The following MCC variants were observed in gnomAD, a reference collection of about 807,000 sequenced individuals.
MCC encodes the protein colorectal mutant cancer protein.
A neutral mutation model predicts 116.2 loss-of-function variants in MCC; 90 were observed. That is an observed-to-expected ratio of 0.77 (90% CI 0.65 to 0.92). The LOEUF is 0.92. Among genes scored for constraint, MCC ranks in the 40% least tolerant of loss-of-function variants. The probability of loss-of-function intolerance (pLI) is 0.00; values close to 1 mark genes in which losing one functional copy is unlikely to be tolerated. For missense variants in MCC, 1,516 were observed against 1,312.2 expected, an observed-to-expected ratio of 1.16 and a Z score of -2.40; for synonymous variants, 578 against 510.5, an observed-to-expected ratio of 1.13 and a Z score of -1.78.
intron 1 of MCC, among the ~76,000 whole-genome samples, chr5:113,411,854 T>G (rs529284002): frequency 1.3e-5 from 2 of 152,354 alleles, no homozygotes; most frequent in African/African-American, 4.8e-5. Flanking sequence ...CCTATGCCTA[T>G]GTCCTGAATG....
chr5:113,190,706 A>G (rs62372743), intron 3 of MCC, among the ~76,000 whole-genome samples: 2,715 of 152,316 alleles, frequency 0.018, 39 homozygotes, highest in Non-Finnish European at 0.031. Flanking sequence ...TCAGAATCTG[A>G]GCATGTCGAG....
At chr5:113,305,175 A>G (rs568784648) in intron 3 of MCC, among the ~76,000 whole-genome samples, 5 of 152,258 alleles carry the variant, frequency 3.3e-5, no homozygotes, top group East Asian at 1.9e-4. Flanking sequence ...ATGGACTGCT[A>G]TGGTAGGGAT....
At chr5:113,329,507 G>A (rs1767647908) in intron 3 of MCC, among the ~76,000 whole-genome samples, 1 of 150,752 alleles carries the variant, frequency 6.6e-6, no homozygotes, top group South Asian at 2.1e-4. Flanking sequence ...CACAACTGCT[G>A]TAGATCTCAC....
At chr5:113,120,917 A>C (rs1757698915) in intron 6 of MCC, among the ~76,000 whole-genome samples, 1 of 152,208 alleles carries the variant, frequency 6.6e-6, no homozygotes, top group Non-Finnish European at 1.5e-5. Context: ...CCCATGGGCA[A>C]ACAAAACACG....
chr5:113,254,993 C>T (rs985289506), intron 3 of MCC, among the ~76,000 whole-genome samples: 7 of 152,064 alleles, frequency 4.6e-5, no homozygotes, highest in South Asian at 2.1e-4. Context: ...GGTGAAACCC[C>T]GTCTCTACTA....
intron 2 of MCC, among the ~76,000 whole-genome samples, chr5:113,383,804 G>GT (rs1238140076): frequency 6.6e-6 from 1 of 152,104 alleles, no homozygotes; most frequent in Admixed American, 6.5e-5. Context: ...CGCATGGAGT[G>GT]TATGTGGACA....
At chr5:113,109,139 G>C (rs1414825496) in intron 6 of MCC, among the ~76,000 whole-genome samples, 1 of 152,174 alleles carries the variant, frequency 6.6e-6, no homozygotes, top group Admixed American at 6.5e-5. Flanking sequence ...AAGTATAGGA[G>C]TAGAGTTGCT....
intron 3 of MCC, among the ~76,000 whole-genome samples, chr5:113,301,474 G>GA (rs557478664): frequency 0.052 from 6,966 of 133,084 alleles, 538 homozygotes; most frequent in Admixed American, 0.25. Context: ...TCAAACAAAA[G>GA]AAAAAAAAAA....
chr5:113,343,644 T>C (rs1768064078), intron 2 of MCC, among the ~76,000 whole-genome samples: 1 of 152,212 alleles, frequency 6.6e-6, no homozygotes, highest in South Asian at 2.1e-4. Context: ...ACCACAGTAC[T>C]CTCAGCACCG....
At chr5:113,030,903 T>C (rs1750909368) in intron 17 of MCC, among the ~76,000 whole-genome samples, 1 of 152,184 alleles carries the variant, frequency 6.6e-6, no homozygotes, top group Non-Finnish European at 1.5e-5. Context: ...CACTTTTGCA[T>C]TGCCAGATAT....
At chr5:113,052,918 G>A (rs1449682347) in intron 15 of MCC, among the ~76,000 whole-genome samples, 1 of 152,110 alleles carries the variant, frequency 6.6e-6, no homozygotes, top group East Asian at 1.9e-4. Flanking sequence ...GACACCCCTA[G>A]CTCAGCAAGA....
At chr5:113,221,778 C>G (rs1006054718) in intron 3 of MCC, among the ~76,000 whole-genome samples, 28 of 152,164 alleles carry the variant, frequency 1.8e-4, no homozygotes, top group Admixed American at 1.5e-3. Flanking sequence ...ACAATCAGAA[C>G]TCCCGATTCA....
chr5:113,332,002 C>T (rs1767708914), intron 3 of MCC, among the ~76,000 whole-genome samples: 2 of 151,482 alleles, frequency 1.3e-5, no homozygotes, highest in African/African-American at 4.9e-5. Flanking sequence ...AATGACAATA[C>T]CACCTTGAGA....
At position 113,041,269 on chromosome 5, in the gene MCC, G is replaced by A. The variant is rs1262933078; in HGVS notation, c.2756+2261C>T. ...TAAACAGGCCCGCTGGATCAAGTGA[G>A]CTGACTGAAAATACACTGTACCCTT... On this transcript the variant is annotated intron_variant, in intron 17 of 18. Transcript: ENST00000408903. 3.9e-5 allele frequency among the ~76,000 whole-genome samples: 6 copies of A among 152,176 alleles called. 1 individual carries two copies. The highest frequency in any genetic ancestry group is 1.4e-4 in the African/African-American group (6 of 41,448).
chr5:113,096,857 A>T (rs1302648820), intron 8 of MCC, among the ~76,000 whole-genome samples: 1 of 152,122 alleles, frequency 6.6e-6, no homozygotes, highest in East Asian at 1.9e-4. Context: ...TGACTAATAT[A>T]CCAGCCATAC....
intron 2 of MCC, among the ~76,000 whole-genome samples, chr5:113,353,489 A>G (rs1028393004): frequency 9.2e-5 from 14 of 152,232 alleles, no homozygotes; most frequent in Admixed American, 7.9e-4. Context: ...TGGTCTCTCA[A>G]TACTACTTAA....
In MCC at chr5:113,288,402, C is replaced by T. The variant is rs147639812; in HGVS notation, c.627+52117G>A. On this transcript the variant is annotated intron_variant, in intron 3 of 18. Coordinates refer to ENST00000408903, the MANE Select transcript of MCC (RefSeq NM_001085377.2). ...GTCTCTGAATACACAGGTAGTGGGTCACAGGTTGTAATATTCCACCTTCCT... is the reference window on the plus strand; with the variant it reads ...GTCTCTGAATACACAGGTAGTGGGTTACAGGTTGTAATATTCCACCTTCCT... 3.9e-5 allele frequency among the ~76,000 whole-genome samples: 6 copies of T among 152,270 alleles called. No individual in the cohort carries two copies. The East Asian group carries it at 1.2e-3, about 29-fold the overall frequency.
Position 113,449,377 on chromosome 5 carries a change from G to A in MCC, c.170+38868C>T, listed in dbSNP as rs186979686. 5.7e-3 allele frequency among the ~76,000 whole-genome samples: 869 copies of A among 152,246 alleles called. 5 individuals are homozygous for A. The highest frequency in any genetic ancestry group is 9.6e-3 in the Non-Finnish European group (653 of 67,998). ...AAAGGTGGTTGGGGAAAGGAAGAAA[G>A]AAAAAGAATAAAATGAGACCAATAT... On this transcript the variant is annotated intron_variant, in intron 1 of 18. Transcript: ENST00000408903.
chr5:113,452,448 T>C (rs979522412), intron 1 of MCC, among the ~76,000 whole-genome samples: 5 of 152,156 alleles, frequency 3.3e-5, no homozygotes, highest in African/African-American at 1.2e-4. Flanking sequence ...AGTGCCCTTA[T>C]AAAGGAGGCC....
Sources: gnomAD v4.1 joint callset for allele counts (sites outside exome capture counted in the v4.1 genomes callset) on GRCh38, gnomAD v4.1.1 for gene constraint, MANE v1.5 for transcripts, NCBI Gene and HGNC (gene_info 2026-07-23, HGNC 2026-07-21) for gene names.